The following CFAP57 variants were observed in gnomAD, a reference collection of about 807,000 sequenced individuals.
The protein encoded by CFAP57 is cilia- and flagella-associated protein 57.
A neutral mutation model predicts 146.8 loss-of-function variants in CFAP57; 116 were observed. The observed-to-expected ratio is 0.79, with a 90% CI of 0.68 to 0.92. The LOEUF is 0.92. Among genes scored for constraint, CFAP57 ranks in the 40% least tolerant of loss-of-function variants. The pLI, the probability that CFAP57 is intolerant of heterozygous loss-of-function variation, is 0.00. For missense variants in CFAP57, 1,377 were observed against 1,527.2 expected (o/e 0.90, Z 1.64); for synonymous variants, 518 against 552.8 (o/e 0.94, Z 0.88).
intron 6 of CFAP57, among the ~76,000 whole-genome samples, chr1:43,190,525 C>T (rs528941585): frequency 2.8e-4 from 43 of 152,218 alleles, no homozygotes; most frequent in Non-Finnish European, 5.7e-4. Context: ...CTGCCTCGGC[C>T]TCCTAAAGTG....
In CFAP57 at chr1:43,222,165, A is replaced by G; in HGVS notation, c.2402A>G (p.Lys801Arg). Residue 801 changes from lysine to arginine, a missense_variant, in exon 15 of 23, where the codon AAG (lysine) becomes AGG (arginine). Physicochemically the swap from Lys to Arg is conservative, Grantham distance 26 (BLOSUM62 2). Coordinates refer to ENST00000372492, the MANE Select transcript of CFAP57 (RefSeq NM_001378189.1). ...GAGAAGTACCAGGAGCTGCAGCTCA[A>G]GTCCCAGAGGATGCAGGAAGAGTAT... ...EYEKYQELQL[K>R]SQRMQEEYEK... 1 of 1,548,466 alleles carries G rather than the reference A, an allele frequency of 6.5e-7. No homozygotes were observed. The highest frequency in any genetic ancestry group is 8.7e-7 in the Non-Finnish European group (1 of 1,145,722).
Position 43,210,498 on chromosome 1 carries a change from G to A in CFAP57, c.1929+582G>A, listed in dbSNP as rs993315480. 2.4e-5 allele frequency: 21 copies of A among 872,798 alleles called. No homozygotes were observed. The African/African-American group carries it at 3.8e-4, about 16-fold the overall frequency. The allele number at this position is 872,798 out of a possible 1,614,324, so 54.1% of individuals were successfully genotyped here. A position where few individuals can be genotyped will look rare whatever the true frequency, so the allele number is the denominator to read the frequency against. The stretch of plus-strand genomic sequence containing the variant: ...AATGGAACAATACCCTGCCTAAAAA[G>A]GAAGGGAATTCTGCAATGTGCTACC... On this transcript the variant is annotated intron_variant, in intron 11 of 22. Transcript: ENST00000372492.
At chr1:43,181,359 A>G (rs1645398800) in intron 2 of CFAP57, among the ~76,000 whole-genome samples, 175 bp from the exon 3 acceptor site, 3 of 152,134 alleles carry the variant, frequency 2.0e-5, no homozygotes, top group African/African-American at 7.2e-5. Flanking sequence ...GGCGTGAGCC[A>G]CCACACCTGG....
rs1274127623 is a variant in CFAP57 at position 43,185,148 on chromosome 1, G to A, written c.762-1G>A. ...TATGTATGCTGTTTTTTTGTTTCCA[G>A]CCTGATTGAATTTCCACCAGTCAGT... On this transcript the variant is annotated splice_acceptor_variant, in intron 4 of 22. Coordinates refer to ENST00000372492, the MANE Select transcript of CFAP57 (RefSeq NM_001378189.1). LOFTEE classifies it high-confidence loss of function. 2.5e-6 allele frequency: 4 copies of A among 1,613,778 alleles called. No homozygotes were observed. In the East Asian group the frequency reaches 8.9e-5, roughly 36 times the overall value.
At chr1:43,224,299 G>C in intron 17 of CFAP57, 95 bp downstream of exon 17, 1 of 1,375,174 alleles carries the variant, frequency 7.3e-7, no homozygotes, top group Non-Finnish European at 9.5e-7. Context: ...AGCTTCTCAG[G>C]ACGCATTTCT....
chr1:43,248,014 A>C (rs1197365555), intron 22 of CFAP57, among the ~76,000 whole-genome samples: 1 of 151,528 alleles, frequency 6.6e-6, no homozygotes, highest in Admixed American at 6.6e-5. Context: ...AGTCCCAGCT[A>C]CTCGGGAGGT....
intron 2 of CFAP57, among the ~76,000 whole-genome samples, chr1:43,174,452 T>C (rs1469904953): frequency 1.3e-5 from 2 of 152,244 alleles, no homozygotes; most frequent in Non-Finnish European, 2.9e-5. Flanking sequence ...CAAATAACGA[T>C]GACTTTCTTC....
intron 6 of CFAP57, among the ~76,000 whole-genome samples, chr1:43,189,980 A>G (rs1643395194): frequency 1.3e-5 from 2 of 152,226 alleles, no homozygotes; most frequent in East Asian, 1.9e-4. Context: ...ACCTCCCACC[A>G]GGTCCCACCT....
intron 2 of CFAP57, among the ~76,000 whole-genome samples, chr1:43,176,204 G>C (rs1332718103): frequency 6.6e-6 from 1 of 152,140 alleles, no homozygotes; most frequent in Non-Finnish European, 1.5e-5. Flanking sequence ...TTGTCAGCAG[G>C]CTCAAGACTA....
chr1:43,209,444 C>T (rs1393408779), intron 10 of CFAP57, among the ~76,000 whole-genome samples: 1 of 152,170 alleles, frequency 6.6e-6, no homozygotes, highest in Non-Finnish European at 1.5e-5. Context: ...TGAGTTGCAA[C>T]ATGGAGAAGG....
In CFAP57 at chr1:43,239,109, A is replaced by G. The variant is rs72637946; in HGVS notation, c.3406-4118A>G. Among the ~76,000 whole-genome samples, 991 of 152,064 alleles carry G rather than the reference A, an allele frequency of 6.5e-3. 65 individuals carry two copies. The East Asian group carries it at 0.15, about 23-fold the overall frequency. ...TCACACTGGGTTGGGCAGGGGCCCA[A>G]CCATGCTTCAGCCTCTCATGGCAGC... On this transcript the variant is annotated intron_variant, in intron 21 of 22. Transcript: ENST00000372492.
Position 43,209,785 on chromosome 1 carries a change from A to G in CFAP57, c.1798A>G (p.Ile600Val), listed in dbSNP as rs1454528289. The G allele has an allele frequency of 6.2e-7, 1 of 1,614,118 alleles. No individual in the cohort carries two copies. The highest frequency in any genetic ancestry group is 1.1e-5 in the South Asian group (1 of 91,076). ...ISAFDVTYTA[I>V]VISHSGRMMF... ...GGCGTTTGATGTCACCTACACCGCC[A>G]TTGTCATCTCGCATTCTGGACGCAT... The change falls in exon 11 of 23, where the codon ATT becomes GTT. Residue 600 changes from isoleucine to valine, a missense_variant. Coordinates refer to ENST00000372492, the MANE Select transcript of CFAP57 (RefSeq NM_001378189.1).
intron 11 of CFAP57, among the ~76,000 whole-genome samples, chr1:43,213,888 C>CT (rs35273028): frequency 0.44 from 61,674 of 139,656 alleles, 15,149 homozygotes; most frequent in East Asian, 0.7. Flanking sequence ...CCTTAGCCCA[C>CT]TTTTTTTTTT....
chr1:43,234,947 C>T (rs1374379172), intron 21 of CFAP57, among the ~76,000 whole-genome samples: 2 of 152,154 alleles, frequency 1.3e-5, no homozygotes, highest in African/African-American at 4.8e-5. Context: ...ATCCAGAGCA[C>T]ACCTGTGTCC....
At position 43,222,284 on chromosome 1, in the gene CFAP57, CT is replaced by C; in HGVS notation, c.2523del (p.Leu842TrpfsTer58). ...YEAKLQEKTTLLEEAQEDVRQ... is the reference protein window; with the variant it reads ...YEAKLQEKTTXLEEAQEDVRQ... Reference sequence around the variant, plus strand: ...GGCAAAACTGCAGGAGAAAACCACCCTTCTGGAAGAGGTACTCACAGGAAGC... The same window carrying C: ...GGCAAAACTGCAGGAGAAAACCACCCTCTGGAAGAGGTACTCACAGGAAGC... On this transcript the variant is annotated frameshift_variant, in exon 15 of 23. Coordinates refer to ENST00000372492, the MANE Select transcript of CFAP57 (RefSeq NM_001378189.1). LOFTEE classifies it high-confidence loss of function. 1 of 1,444,680 alleles carries C rather than the reference CT, an allele frequency of 6.9e-7. No individual in the cohort carries two copies. The allele number at this position is 1,444,680 out of a possible 1,614,324, so 89.5% of individuals were successfully genotyped here.
intron 22 of CFAP57, among the ~76,000 whole-genome samples, chr1:43,252,971 T>A (rs559994727): frequency 6.6e-6 from 1 of 152,254 alleles, no homozygotes; most frequent in East Asian, 1.9e-4. Context: ...GCAATGTATG[T>A]CTAATTGAAG....
At chr1:43,237,566 C>T (rs573415475) in intron 21 of CFAP57, among the ~76,000 whole-genome samples, 1 of 152,244 alleles carries the variant, frequency 6.6e-6, no homozygotes, top group African/African-American at 2.4e-5. Context: ...GTGATGCCTT[C>T]AGGACTTGTG....
Position 43,227,120 on chromosome 1 carries a change from T to G in CFAP57, c.3003T>G (p.Ile1001Met), listed in dbSNP as rs1442409869. 8.5e-6 allele frequency: 13 copies of G among 1,531,958 alleles called. No homozygotes were observed. In the South Asian group the frequency reaches 1.6e-4, roughly 19 times the overall value. 94.9% of individuals were successfully genotyped at this position (1,531,958 alleles called of 1,614,324 possible). ...AGATCAGGGTGATGAAGGAACAGAT[T>G]CAGGAGGTAAGAAGCCATTTGCAAC... ...ENEIRVMKEQIQEMEAELENF... is the reference protein window; with the variant it reads ...ENEIRVMKEQMQEMEAELENF... The change falls in exon 18 of 23, where the codon ATT becomes ATG. Residue 1001 changes from isoleucine to methionine, a missense_variant. By Grantham distance (10) the Ile-to-Met change is conservative. Coordinates refer to ENST00000372492, the MANE Select transcript of CFAP57 (RefSeq NM_001378189.1).
chr1:43,209,226 T>C lies in CFAP57; in HGVS notation c.1756-517T>C, dbSNP rs1298329995. Among the ~76,000 whole-genome samples the C allele has an allele frequency of 2.0e-5, 3 of 152,226 alleles. 1 individual carries two copies. The highest frequency in any genetic ancestry group is 4.4e-5 in the Non-Finnish European group (3 of 68,034). ...GGAGACTAATGTATGGTTTTGCTTA[T>C]GTAATGAGCATTAATAAATGCTTGC... On this transcript the variant is annotated intron_variant, in intron 10 of 22. Coordinates refer to ENST00000372492, the MANE Select transcript of CFAP57 (RefSeq NM_001378189.1).
Sources: gnomAD v4.1 joint callset for allele counts (sites outside exome capture counted in the v4.1 genomes callset) on GRCh38, gnomAD v4.1.1 for gene constraint, MANE v1.5 for transcripts, NCBI Gene and HGNC (gene_info 2026-07-23, HGNC 2026-07-21) for gene names.